VRK2: variants seen among roughly 807,000 people sequenced by gnomAD.
The protein encoded by VRK2 is serine/threonine-protein kinase VRK2.
Under a neutral mutation model 57.6 loss-of-function variants are expected in VRK2, and 60 were observed. The observed-to-expected ratio is 1.04, with a 90% CI of 0.85 to 1.29. VRK2 has a LOEUF of 1.29. Ranked by LOEUF, VRK2 falls within the 50% of genes most tolerant of loss-of-function variation. VRK2 has a pLI of 0.00. For synonymous variants in VRK2, 231 were observed against 199.2 expected, an observed-to-expected ratio of 1.16 and a Z score of -1.35; for missense variants, 705 against 588.1, an observed-to-expected ratio of 1.20 and a Z score of -2.06.
chr2:58,138,063 A>C (rs1425367713), intron 10 of VRK2, among the ~76,000 whole-genome samples: 1 of 152,146 alleles, frequency 6.6e-6, no homozygotes, highest in East Asian at 1.9e-4. Flanking sequence ...GAGTGCCAGG[A>C]GTTTTCCATT....
rs116049178 is a variant in VRK2, at chr2:58,104,824, A to C, written c.543+15101A>C. Reference sequence around the variant, plus strand: ...ACCACAAATTATACTGCAAGGCTATAGTAACCAAAACAGCATGGTTCTGGT... The same window carrying C: ...ACCACAAATTATACTGCAAGGCTATCGTAACCAAAACAGCATGGTTCTGGT... On this transcript the variant is annotated intron_variant, in intron 7 of 12. Transcript: ENST00000340157. Among the ~76,000 whole-genome samples the C allele has an allele frequency of 5.3e-3, 813 of 152,160 alleles. 11 individuals are homozygous for C. Among genetic ancestry groups the C allele is most frequent in the African/African-American group, 0.018 (767 of 41,548 alleles).
chr2:58,051,519 C>A (rs753826753), intron 2 of VRK2, among the ~76,000 whole-genome samples: 9 of 152,310 alleles, frequency 5.9e-5, no homozygotes, highest in Middle Eastern at 6.8e-3. Flanking sequence ...TGGTTCTCAT[C>A]ACTTCCTCTA....
intron 1 of VRK2, among the ~76,000 whole-genome samples, chr2:57,922,896 C>T (rs114875748): frequency 0.017 from 2,572 of 151,936 alleles, 35 homozygotes; most frequent in Non-Finnish European, 0.026. Context: ...CTTCTAGTAA[C>T]CGTAATTCTA....
chr2:57,910,020 C>T (rs542597169), intron 1 of VRK2, among the ~76,000 whole-genome samples: 2 of 151,584 alleles, frequency 1.3e-5, no homozygotes, highest in African/African-American at 2.4e-5. Context: ...AAAATAAAAT[C>T]TTTTATTCCA....
At chr2:57,961,494 A>T (rs1283160840) in intron 1 of VRK2, among the ~76,000 whole-genome samples, 1 of 152,164 alleles carries the variant, frequency 6.6e-6, no homozygotes, top group Non-Finnish European at 1.5e-5. Context: ...ACAGCTAGGA[A>T]ATGTAGATTT....
At chr2:58,123,379 G>A (rs1176645388) in intron 8 of VRK2, 146 bp downstream of exon 8, 3 of 948,064 alleles carry the variant, frequency 3.2e-6, no homozygotes, top group East Asian at 3.2e-5. Flanking sequence ...ATGAATTCCT[G>A]TTATGCCAAT....
rs1373679205 is a variant in VRK2, at chr2:58,139,722, A to G, written c.913A>G (p.Asn305Asp). 8.1e-6 allele frequency: 13 copies of G among 1,613,242 alleles called. No homozygotes were observed. The highest frequency in any genetic ancestry group is 1.1e-5 in the Non-Finnish European group (13 of 1,179,440). ...TAGTTTAGCATATGATGAAAAGCCA[A>G]ACTATCAAGCCCTCAAGAAAATTTT... ...AHSLAYDEKP[N>D]YQALKKILNP... The change falls in exon 11 of 13, where the codon AAC becomes GAC. Residue 305 changes from asparagine (N) to aspartate (D), a missense_variant. By Grantham distance (23) the Asn-to-Asp change is conservative (BLOSUM62 1). Transcript: ENST00000340157.
chr2:58,058,416 A>G (rs935307452), intron 2 of VRK2: 5 of 470,504 alleles, frequency 1.1e-5, no homozygotes, highest in African/African-American at 2.0e-5. Context: ...CCGCAAATTT[A>G]TTTCAAGCAA....
In VRK2 at chr2:58,159,502, A is replaced by C. The variant is rs1573486966; in HGVS notation, c.1336A>C (p.Arg446=). The C allele has an allele frequency of 6.2e-7, 1 of 1,613,740 alleles. No homozygotes were observed. ...CAGTCCAGATATATTCAAGAAGTCA[A>C]GATCTCCATCTTGGTATAAATACAC... is the stretch of plus-strand genomic sequence containing the variant. ...FTSPDIFKKS[R]SPSWYKYTST... The change falls in exon 13 of 13, where the codon AGA becomes CGA. Residue 446 remains arginine, a synonymous_variant. Coordinates refer to ENST00000340157, the MANE Select transcript of VRK2 (RefSeq NM_006296.7).
chr2:58,145,043 A>G (rs1237519383), intron 11 of VRK2, among the ~76,000 whole-genome samples: 2 of 152,028 alleles, frequency 1.3e-5, no homozygotes, highest in Admixed American at 6.6e-5. Flanking sequence ...TGCTGTTCCT[A>G]TCTTCTGCCC....
At chr2:58,103,680 T>C (rs2104363404) in intron 7 of VRK2, among the ~76,000 whole-genome samples, 1 of 151,910 alleles carries the variant, frequency 6.6e-6, no homozygotes, top group South Asian at 2.1e-4. Flanking sequence ...AAAGAAGAAC[T>C]GGTACCAATC....
chr2:57,941,651 T>C (rs1671097156), intron 1 of VRK2, among the ~76,000 whole-genome samples: 1 of 152,240 alleles, frequency 6.6e-6, no homozygotes, highest in African/African-American at 2.4e-5. Context: ...TAGTCTTAAA[T>C]ATGAATATTA....
intron 2 of VRK2, among the ~76,000 whole-genome samples, chr2:58,073,409 G>A (rs1018023166): frequency 2.2e-4 from 33 of 151,822 alleles, no homozygotes; most frequent in African/African-American, 7.5e-4. Flanking sequence ...GTGTGTTTAA[G>A]TCTCCGGCTA....
intron 1 of VRK2, among the ~76,000 whole-genome samples, chr2:58,015,967 T>G (rs2103659451): frequency 6.6e-6 from 1 of 152,182 alleles, no homozygotes; most frequent in East Asian, 1.9e-4. Context: ...TGTAATCAAG[T>G]GAAGACATTT....
intron 1 of VRK2, among the ~76,000 whole-genome samples, chr2:57,995,158 C>T (rs1360514696): frequency 6.6e-6 from 1 of 152,124 alleles, no homozygotes; most frequent in African/African-American, 2.4e-5. Flanking sequence ...AGTGAATTTT[C>T]CATACACTGT....
intron 10 of VRK2, among the ~76,000 whole-genome samples, chr2:58,137,150 ATG>A (rs1318588145): frequency 1.6e-3 from 33 of 21,000 alleles, no homozygotes; most frequent in East Asian, 9.8e-3. Flanking sequence ...CATATATATC[ATG>A]TGTTTATATA....
At chr2:58,060,366 A>T (rs1243442412) in intron 2 of VRK2, among the ~76,000 whole-genome samples, 1 of 151,774 alleles carries the variant, frequency 6.6e-6, no homozygotes, top group African/African-American at 2.4e-5. Context: ...AAAAATAAGT[A>T]TTTTTTTGGG....
At chr2:57,950,793 T>C (rs558850501) in intron 1 of VRK2, among the ~76,000 whole-genome samples, 1 of 152,286 alleles carries the variant, frequency 6.6e-6, no homozygotes, top group East Asian at 1.9e-4. Flanking sequence ...CTAGACGCCA[T>C]TAAGAACATT....
chr2:58,011,661 T>C (rs922900991), intron 1 of VRK2, among the ~76,000 whole-genome samples: 1 of 152,234 alleles, frequency 6.6e-6, no homozygotes, highest in Non-Finnish European at 1.5e-5. Context: ...TATTTTGTTA[T>C]ATTTTATTTT....
Sources: allele counts gnomAD v4.1 joint callset (sites outside exome capture counted in the v4.1 genomes callset), GRCh38; gene constraint gnomAD v4.1.1; transcripts MANE v1.5; gene names NCBI Gene and HGNC (gene_info 2026-07-23, HGNC 2026-07-21).